Variants in BZW2 observed in about 807,000 individuals in gnomAD.
The protein encoded by BZW2 is basic leucine zipper and W2 domains 2.
In BZW2, 23 loss-of-function variants were observed where a neutral mutation model predicts 53.2. The observed-to-expected ratio is 0.43, with a 90% CI of 0.31 to 0.61. BZW2 has a LOEUF of 0.61. Ranked by LOEUF, BZW2 falls within the 20% of genes least tolerant of loss-of-function variation. BZW2 has a pLI of 0.09. For synonymous variants in BZW2, 227 were observed against 186.4 expected (o/e 1.22, Z -1.77); for missense variants, 409 against 503.1 (o/e 0.81, Z 1.79).
At chr7:16,652,428 T>G (rs954703516) in intron 1 of BZW2, among the ~76,000 whole-genome samples, 1 of 152,194 alleles carries the variant, frequency 6.6e-6, no homozygotes, top group Non-Finnish European at 1.5e-5. Flanking sequence ...CCATGAAATT[T>G]GCCTGATTTA....
chr7:16,692,499 A>AG (rs1783341713), intron 7 of BZW2, among the ~76,000 whole-genome samples: 1 of 152,168 alleles, frequency 6.6e-6, no homozygotes, highest in Non-Finnish European at 1.5e-5. Context: ...GTGGTAGCTC[A>AG]CACCTGTAAT....
intron 1 of BZW2, among the ~76,000 whole-genome samples, chr7:16,664,070 A>G (rs565177778): frequency 6.6e-6 from 1 of 152,344 alleles, no homozygotes; most frequent in Admixed American, 6.5e-5. Flanking sequence ...CAAGTACTTT[A>G]CATTCTTTTA....
rs560205352 is a variant in BZW2, at chr7:16,646,202, A to ACTG, written c.-74_-72dup. 4,903 of 337,678 alleles carry ACTG rather than the reference A, an allele frequency of 0.015. 147 individuals are homozygous for ACTG. Among genetic ancestry groups the ACTG allele is most frequent in the African/African-American group, 0.084 (3,793 of 45,022 alleles). 20.9% of individuals were successfully genotyped at this position (337,678 alleles called of 1,614,324 possible). ...CTTCACTCCTCCATTGTCTGCCGCC[A>ACTG]CTGCTGCTGCTGCTGCTGCTGCCGC... On this transcript the variant is annotated 5_prime_UTR_variant, in exon 1 of 12. Transcript: ENST00000258761.
chr7:16,682,205 A>G (rs1782967217), intron 4 of BZW2, among the ~76,000 whole-genome samples: 1 of 152,236 alleles, frequency 6.6e-6, no homozygotes, highest in South Asian at 2.1e-4. Context: ...AAAATAACCA[A>G]TATTTACAAA....
intron 5 of BZW2, 50 bp from the exon 6 acceptor site, chr7:16,685,854 CT>C (rs761804682): frequency 6.3e-5 from 89 of 1,419,058 alleles, no homozygotes; most frequent in Middle Eastern, 2.4e-4. Flanking sequence ...GACATGGTTC[CT>C]TTTTTTTTCT....
rs567444318 is a variant in BZW2 at position 16,657,526 on chromosome 7, C to T, written c.-7-7911C>T. On this transcript the variant is annotated intron_variant, in intron 1 of 11. Coordinates refer to ENST00000258761, the MANE Select transcript of BZW2 (RefSeq NM_014038.3). ...TTCTTTTTCTGCTCTCTTTAAAACC[C>T]ATATTCTTGCCTATCCTCTGCCCTT... 2.0e-4 allele frequency among the ~76,000 whole-genome samples: 30 copies of T among 152,224 alleles called. 1 individual carries two copies. In the South Asian group the frequency reaches 6.0e-3, roughly 31 times the overall value.
At chr7:16,673,426 G>C (rs1782670709) in intron 2 of BZW2, among the ~76,000 whole-genome samples, 1 of 152,164 alleles carries the variant, frequency 6.6e-6, no homozygotes. Context: ...TGATATTGCA[G>C]TAAATTGAAT....
In BZW2 at chr7:16,685,896, G is replaced by A. The variant is rs76115451; in HGVS notation, c.406-9G>A. Reference sequence around the variant, plus strand: ...TTTTTCTTTTTTTTTTTTTTTTTTTGACCCACAGCTTCTCCTCTTCCTTAA... The same window carrying A: ...TTTTTCTTTTTTTTTTTTTTTTTTTAACCCACAGCTTCTCCTCTTCCTTAA... On this transcript the variant is annotated splice_polypyrimidine_tract_variant and intron_variant, in intron 5 of 11. Transcript: ENST00000258761. 1.3e-5 allele frequency: 5 copies of A among 395,740 alleles called. No individual in the cohort carries two copies. The highest frequency in any genetic ancestry group is 1.6e-5 in the Non-Finnish European group (5 of 318,508). 24.5% of individuals were successfully genotyped at this position (395,740 alleles called of 1,614,324 possible).
intron 10 of BZW2, among the ~76,000 whole-genome samples, chr7:16,698,461 AT>A (rs1479156848): frequency 6.6e-6 from 1 of 152,230 alleles, no homozygotes; most frequent in African/African-American, 2.4e-5. Flanking sequence ...TGGAAAAAAA[AT>A]GTAATTATAT....
rs569322298 is a variant in BZW2 at position 16,665,415 on chromosome 7, T to C, written c.-7-22T>C. 5.0e-6 allele frequency: 8 copies of C among 1,613,964 alleles called. No homozygotes were observed. In the South Asian group the frequency reaches 8.8e-5, roughly 18 times the overall value. ...TAAACTGCTTATCTGAAATACATAATCTTTATTTTCTTTGTTTTCAGAAAT... is the reference window on the plus strand; with the variant it reads ...TAAACTGCTTATCTGAAATACATAACCTTTATTTTCTTTGTTTTCAGAAAT... On this transcript the variant is annotated intron_variant, in intron 1 of 11. Coordinates refer to ENST00000258761, the MANE Select transcript of BZW2 (RefSeq NM_014038.3).
chr7:16,667,402 T>C (rs1219860851), intron 2 of BZW2, among the ~76,000 whole-genome samples: 1 of 152,148 alleles, frequency 6.6e-6, no homozygotes, highest in African/African-American at 2.4e-5. Flanking sequence ...GAAAAATATT[T>C]AAGGAAGTAT....
At chr7:16,648,138 T>C (rs969757879) in intron 1 of BZW2, among the ~76,000 whole-genome samples, 3 of 152,246 alleles carry the variant, frequency 2.0e-5, no homozygotes, top group Non-Finnish European at 4.4e-5. Flanking sequence ...ATTAGATGGA[T>C]TGATTACATT....
At chr7:16,699,264 T>C (rs1383800540) in intron 10 of BZW2, among the ~76,000 whole-genome samples, 1 of 152,102 alleles carries the variant, frequency 6.6e-6, no homozygotes, top group African/African-American at 2.4e-5. Context: ...CAGACCTGAG[T>C]TGGGTCTTCT....
chr7:16,698,270 TC>T (rs1284383011), intron 10 of BZW2, 84 bp downstream of exon 10: 1 of 1,538,236 alleles, frequency 6.5e-7, no homozygotes, highest in Non-Finnish European at 8.9e-7. Flanking sequence ...GCAGAGGAGG[TC>T]ATGGGGCTCT....
chr7:16,650,375 T>C (rs141797236), intron 1 of BZW2, among the ~76,000 whole-genome samples: 30 of 152,214 alleles, frequency 2.0e-4, no homozygotes, highest in African/African-American at 7.0e-4. Flanking sequence ...CTTCTGTGCG[T>C]CATAATCCAA....
chr7:16,662,427 T>A (rs1184050300), intron 1 of BZW2, among the ~76,000 whole-genome samples: 2 of 152,106 alleles, frequency 1.3e-5, no homozygotes, highest in Non-Finnish European at 2.9e-5. Flanking sequence ...AGAAAGGAAG[T>A]AAGTATAAAA....
chr7:16,679,884 T>A (rs1782886400), intron 3 of BZW2, among the ~76,000 whole-genome samples: 2 of 152,326 alleles, frequency 1.3e-5, no homozygotes, highest in East Asian at 3.9e-4. Flanking sequence ...ATTCCTAATG[T>A]TCTCATTCTG....
chr7:16,673,753 T>C (rs141189858), intron 2 of BZW2, among the ~76,000 whole-genome samples: 67 of 152,242 alleles, frequency 4.4e-4, no homozygotes, highest in African/African-American at 1.5e-3. Flanking sequence ...AAGGATACTT[T>C]GGAATCCTAA....
intron 5 of BZW2, among the ~76,000 whole-genome samples, chr7:16,685,038 C>T (rs1347906167): frequency 6.6e-6 from 1 of 152,066 alleles, no homozygotes; most frequent in Non-Finnish European, 1.5e-5. Context: ...GTGATAGTGG[C>T]CCCTGAGGAA....
Sources: allele counts gnomAD v4.1 joint callset (sites outside exome capture counted in the v4.1 genomes callset), GRCh38; gene constraint gnomAD v4.1.1; transcripts MANE v1.5; gene names NCBI Gene and HGNC (gene_info 2026-07-23, HGNC 2026-07-21).